The following DENND1A variants were observed in gnomAD, a reference collection of about 807,000 sequenced individuals.
DENND1A encodes DENN domain containing 1A.
DENND1A carries 51 observed loss-of-function variants against 113.7 expected under a neutral mutation model. The observed-to-expected ratio is 0.45, with a 90% CI of 0.36 to 0.57. DENND1A has a LOEUF of 0.57. Ranked by LOEUF, DENND1A falls within the 20% of genes least tolerant of loss-of-function variation. The pLI is 0.00. For synonymous variants in DENND1A, 565 were observed against 570.8 expected, an observed-to-expected ratio of 0.99 and a Z score of 0.14; for missense variants, 1,258 against 1,395.9, an observed-to-expected ratio of 0.90 and a Z score of 1.57.
chr9:123,808,344 T>C, intron 2 of DENND1A, among the ~76,000 whole-genome samples: 1 of 152,080 alleles, frequency 6.6e-6, no homozygotes, highest in South Asian at 2.1e-4. Context: ...GCTTGATCAG[T>C]TTCTGTTTCA....
intron 13 of DENND1A, among the ~76,000 whole-genome samples, chr9:123,520,137 G>C (rs1354722923): frequency 9.8e-6 from 1 of 101,964 alleles, no homozygotes. Context: ...AACAGAGCAA[G>C]ATCCTGTCTC....
At chr9:123,781,539 T>C (rs1390372917) in intron 3 of DENND1A, among the ~76,000 whole-genome samples, 1 of 152,170 alleles carries the variant, frequency 6.6e-6, no homozygotes, top group Non-Finnish European at 1.5e-5. Context: ...AACTTCTTCT[T>C]CCTCATACTA....
intron 2 of DENND1A, among the ~76,000 whole-genome samples, chr9:123,818,519 T>TAC (rs1215014185): frequency 2.1e-3 from 236 of 112,258 alleles, no homozygotes; most frequent in Middle Eastern, 8.3e-3. Flanking sequence ...TACATACATA[T>TAC]ACACACACAC....
At chr9:123,445,277 T>C (rs1408072059) in intron 18 of DENND1A, among the ~76,000 whole-genome samples, 1 of 152,142 alleles carries the variant, frequency 6.6e-6, no homozygotes, top group Non-Finnish European at 1.5e-5. Flanking sequence ...AAAGGACTTA[T>C]GACCCAGTGA....
At chr9:123,854,342 T>A (rs1031356903) in intron 2 of DENND1A, among the ~76,000 whole-genome samples, 1 of 152,104 alleles carries the variant, frequency 6.6e-6, no homozygotes, top group South Asian at 2.1e-4. Context: ...ATGTTTAATA[T>A]TTTGTCTCAG....
chr9:123,885,337 C>G (rs553384477), intron 1 of DENND1A, among the ~76,000 whole-genome samples: 32 of 152,314 alleles, frequency 2.1e-4, no homozygotes, highest in African/African-American at 6.7e-4. Flanking sequence ...CATTCTTCCC[C>G]ACTAGACTGG....
At chr9:123,407,249 A>G (rs1287787553) in intron 20 of DENND1A, among the ~76,000 whole-genome samples, 2 of 152,046 alleles carry the variant, frequency 1.3e-5, no homozygotes, top group Non-Finnish European at 2.9e-5. Context: ...GCGGTTGGTC[A>G]CCAGCATGGC....
intron 1 of DENND1A, among the ~76,000 whole-genome samples, chr9:123,885,673 G>A (rs576543020): frequency 2.4e-4 from 37 of 152,212 alleles, no homozygotes; most frequent in Non-Finnish European, 2.4e-4. Context: ...TTTGCTTCTG[G>A]GAGAATGAAG....
chr9:123,810,131 G>A (rs1488866792), intron 2 of DENND1A, among the ~76,000 whole-genome samples: 1 of 152,074 alleles, frequency 6.6e-6, no homozygotes, highest in Non-Finnish European at 1.5e-5. Context: ...AACCTATATG[G>A]AATAACAAAG....
chr9:123,627,685 A>G (rs1373997568), intron 10 of DENND1A, among the ~76,000 whole-genome samples: 1 of 150,252 alleles, frequency 6.7e-6, no homozygotes, highest in Non-Finnish European at 1.5e-5. Context: ...GGTTGCAGTG[A>G]GCCCAGATTG....
intron 12 of DENND1A, among the ~76,000 whole-genome samples, chr9:123,560,304 T>A (rs575820533): frequency 1.6e-4 from 24 of 152,294 alleles, no homozygotes; most frequent in African/African-American, 5.5e-4. Flanking sequence ...AAGCCATTCA[T>A]AAATGTGAAC....
chr9:123,386,412 C>T lies in DENND1A; in HGVS notation c.1760+1318G>A, dbSNP rs531075593. On this transcript the variant is annotated intron_variant, in intron 22 of 23. Coordinates refer to ENST00000394215, the MANE Select transcript of DENND1A (RefSeq NM_001352964.2). ...TTTTTTTTTTTTAAAGGCAGAGTCT[C>T]GTTCTGTCACCCAGGTTGGAGTACA... is the stretch of plus-strand genomic sequence containing the variant. Among the ~76,000 whole-genome samples, 95 of 147,264 alleles carry T rather than the reference C, an allele frequency of 6.5e-4. 4 individuals are homozygous for T. The highest frequency in any genetic ancestry group is 6.4e-3 in the Admixed American group (94 of 14,586).
chr9:123,833,160 A>T, intron 2 of DENND1A, among the ~76,000 whole-genome samples: 1 of 149,470 alleles, frequency 6.7e-6, no homozygotes, highest in Non-Finnish European at 1.5e-5. Flanking sequence ...GAAACGAAAG[A>T]AAAAAAAACA....
intron 10 of DENND1A, among the ~76,000 whole-genome samples, chr9:123,623,149 A>G (rs2061036422): frequency 2.0e-5 from 3 of 152,236 alleles, no homozygotes; most frequent in African/African-American, 7.2e-5. Context: ...ATAAAAAAAA[A>G]ATCAAAATAA....
chr9:123,479,773 G>C (rs2050191183), intron 13 of DENND1A, among the ~76,000 whole-genome samples: 1 of 152,226 alleles, frequency 6.6e-6, no homozygotes, highest in African/African-American at 2.4e-5. Context: ...CCCCCTACAA[G>C]GATCAAACGA....
At chr9:123,461,617 A>G (rs1385160882) in intron 13 of DENND1A, among the ~76,000 whole-genome samples, 2 of 152,346 alleles carry the variant, frequency 1.3e-5, no homozygotes, top group African/African-American at 4.8e-5. Context: ...TACATTCAAG[A>G]GAGTTTGCAA....
chr9:123,427,070 C>T (rs1244804464), intron 19 of DENND1A, among the ~76,000 whole-genome samples: 1 of 152,228 alleles, frequency 6.6e-6, no homozygotes, highest in Non-Finnish European at 1.5e-5. Context: ...ATGGGCACCT[C>T]ATGAGAATGC....
chr9:123,524,015 T>A (rs1197390222), intron 13 of DENND1A, among the ~76,000 whole-genome samples: 1 of 152,188 alleles, frequency 6.6e-6, no homozygotes, highest in Non-Finnish European at 1.5e-5. Flanking sequence ...AAGGGATGAC[T>A]GGAGCATGTG....
chr9:123,898,020 T>G (rs1309807863), intron 1 of DENND1A, among the ~76,000 whole-genome samples: 1 of 151,780 alleles, frequency 6.6e-6, no homozygotes, highest in African/African-American at 2.4e-5. Flanking sequence ...TAAAAAAAAT[T>G]TTTTTTTAAT....
Sources: allele counts gnomAD v4.1 joint callset (sites outside exome capture counted in the v4.1 genomes callset), GRCh38; gene constraint gnomAD v4.1.1; transcripts MANE v1.5; gene names NCBI Gene and HGNC (gene_info 2026-07-23, HGNC 2026-07-21).